Variants in GLIS3 observed in about 807,000 individuals in gnomAD.
GLIS3 encodes zinc finger protein GLIS3.
GLIS3 carries 53 observed loss-of-function variants against 78.6 expected under a neutral mutation model. That is an observed-to-expected ratio of 0.67 (90% CI 0.54 to 0.85). The LOEUF (loss-of-function observed/expected upper bound fraction) is 0.85, where lower values mean the gene tolerates loss of function less well. GLIS3 is among the 40% of genes least tolerant of loss of function. The pLI is 0.00. For missense variants in GLIS3, 1,703 were observed against 1,231.1 expected (o/e 1.38, Z -5.74); for synonymous variants, 684 against 509.9 (o/e 1.34, Z -4.60).
chr9:3,895,678 A>G (rs948600247), intron 7 of GLIS3, among the ~76,000 whole-genome samples: 2 of 152,226 alleles, frequency 1.3e-5, no homozygotes, highest in African/African-American at 4.8e-5. Context: ...CAAGACTTGT[A>G]TGTTCCAGAA....
chr9:4,144,250 G>A (rs1203117098), intron 2 of GLIS3, among the ~76,000 whole-genome samples: 1 of 152,202 alleles, frequency 6.6e-6, no homozygotes, highest in African/African-American at 2.4e-5. Context: ...TGAAAAGAAG[G>A]CGGATAATTC....
intron 4 of GLIS3, among the ~76,000 whole-genome samples, chr9:4,087,680 C>T (rs76106070): frequency 0.014 from 2,109 of 152,238 alleles, 46 homozygotes; most frequent in African/African-American, 0.045. Context: ...GGTGGTACAT[C>T]ATCATAAAAT....
intron 2 of GLIS3, among the ~76,000 whole-genome samples, chr9:4,132,924 C>T (rs1037573970): frequency 3.3e-5 from 5 of 152,148 alleles, no homozygotes; most frequent in African/African-American, 1.2e-4. Flanking sequence ...GCGTACTGTT[C>T]TAAAATGGGG....
chr9:4,267,987 G>GTA (rs1159747061), intron 2 of GLIS3, among the ~76,000 whole-genome samples: 6 of 151,640 alleles, frequency 4.0e-5, no homozygotes, highest in South Asian at 2.1e-4. Context: ...ATGTGCATGT[G>GTA]TATATATATG....
intron 4 of GLIS3, among the ~76,000 whole-genome samples, chr9:4,072,952 T>C (rs760815756): frequency 1.3e-5 from 2 of 152,048 alleles, no homozygotes; most frequent in African/African-American, 4.8e-5. Context: ...TAAAAGCATA[T>C]GCTTTAACTA....
At chr9:4,042,285 C>T (rs566098797) in intron 4 of GLIS3, among the ~76,000 whole-genome samples, 1 of 152,204 alleles carries the variant, frequency 6.6e-6, no homozygotes, top group South Asian at 2.1e-4. Flanking sequence ...AAGATGTAAA[C>T]ATTATCAAGC....
In GLIS3 at chr9:4,141,506, C is replaced by G. The variant is rs531460452; in HGVS notation, c.389-15565G>C. Among the ~76,000 whole-genome samples, 6 of 152,328 alleles carry G rather than the reference C, an allele frequency of 3.9e-5. No individual in the cohort carries two copies. The South Asian group carries it at 1.0e-3, about 26-fold the overall frequency. ...ACAGAAAAGCTCCTGGAATGTTCTG[C>G]TCTCTACAAACACCCTGGGATTCTG... is the stretch of plus-strand genomic sequence containing the variant. On this transcript the variant is annotated intron_variant, in intron 2 of 10. Transcript: ENST00000381971.
chr9:4,046,992 G>A (rs1480405506), intron 4 of GLIS3, among the ~76,000 whole-genome samples: 1 of 152,186 alleles, frequency 6.6e-6, no homozygotes, highest in African/African-American at 2.4e-5. Context: ...TTGTCGGAGT[G>A]TAGACTTCAA....
chr9:4,296,726 A>C (rs1440027837), intron 1 of GLIS3, among the ~76,000 whole-genome samples: 1 of 152,150 alleles, frequency 6.6e-6, no homozygotes, highest in Non-Finnish European at 1.5e-5. Flanking sequence ...AAAAGAAAGC[A>C]ATTACAAACT....
At chr9:4,303,466 A>G (rs1467458505), upstream of GLIS3, among the ~76,000 whole-genome samples, 3 of 152,176 alleles carry the variant, frequency 2.0e-5, no homozygotes, top group Non-Finnish European at 4.4e-5. Context: ...TATACTAAGA[A>G]AACTTAAGCT....
intron 2 of GLIS3, among the ~76,000 whole-genome samples, chr9:4,339,004 T>C (rs543312702): frequency 6.6e-6 from 1 of 152,264 alleles, no homozygotes; most frequent in South Asian, 2.1e-4. Flanking sequence ...CTTAAAACTA[T>C]GTTGAAAAGC....
the GLIS3 span, among the ~76,000 whole-genome samples, chr9:4,395,480 C>A: frequency 6.6e-6 from 1 of 152,222 alleles, no homozygotes; most frequent in South Asian, 2.1e-4. Flanking sequence ...TGTCTGCTAC[C>A]CAAATCCAGC....
At chr9:3,966,756 C>G (rs1817964112) in intron 4 of GLIS3, among the ~76,000 whole-genome samples, 1 of 151,490 alleles carries the variant, frequency 6.6e-6, no homozygotes, top group South Asian at 2.1e-4. Flanking sequence ...CCACTGCACT[C>G]CAGCCTGGGT....
chr9:4,132,042 GT>G (rs200478545), intron 2 of GLIS3, among the ~76,000 whole-genome samples: 17 of 135,496 alleles, frequency 1.3e-4, no homozygotes, highest in South Asian at 4.9e-4. Context: ...TACGGCCAAT[GT>G]TTTTTTTAAA....
At chr9:4,033,507 T>C (rs1280357178) in intron 4 of GLIS3, among the ~76,000 whole-genome samples, 2 of 151,996 alleles carry the variant, frequency 1.3e-5, no homozygotes, top group Non-Finnish European at 2.9e-5. Flanking sequence ...CCCTATCCCA[T>C]GGGGAAAAGA....
chr9:4,379,522 G>A, the GLIS3 span, among the ~76,000 whole-genome samples: 8 of 152,304 alleles, frequency 5.3e-5, no homozygotes, highest in African/African-American at 1.9e-4. Flanking sequence ...ATCAAATGTG[G>A]AAATGCTTAT....
chr9:4,216,914 T>C (rs1312154738), intron 2 of GLIS3, among the ~76,000 whole-genome samples: 1 of 152,180 alleles, frequency 6.6e-6, no homozygotes, highest in African/African-American at 2.4e-5. Flanking sequence ...GAAATTGATC[T>C]GATTTGCACA....
At chr9:4,080,541 G>A (rs1401283926) in intron 4 of GLIS3, among the ~76,000 whole-genome samples, 1 of 152,096 alleles carries the variant, frequency 6.6e-6, no homozygotes, top group African/African-American at 2.4e-5. Flanking sequence ...AATCACTAAT[G>A]TGTATTCTAC....
chr9:4,130,495 C>G (rs961858009), intron 2 of GLIS3, among the ~76,000 whole-genome samples: 6 of 152,236 alleles, frequency 3.9e-5, no homozygotes, highest in African/African-American at 9.6e-5. Context: ...CTCCCTGCAT[C>G]CCAGCAGCTC....
Sources: gnomAD v4.1 joint callset for allele counts (sites outside exome capture counted in the v4.1 genomes callset) on GRCh38, gnomAD v4.1.1 for gene constraint, MANE v1.5 for transcripts, NCBI Gene and HGNC (gene_info 2026-07-23, HGNC 2026-07-21) for gene names.